Variants in TDRD3 observed in about 807,000 individuals in gnomAD.
TDRD3 encodes the protein tudor domain-containing protein 3.
In TDRD3, 45 loss-of-function variants were observed where a neutral mutation model predicts 86.7. The ratio of observed to expected loss-of-function variants is 0.52; its 90% CI spans 0.41 to 0.67. The LOEUF (loss-of-function observed/expected upper bound fraction) is 0.67. Ranked by LOEUF, TDRD3 falls within the 30% of genes least tolerant of loss-of-function variation. TDRD3 has a pLI of 0.00. For synonymous variants in TDRD3, 298 were observed against 301.7 expected (o/e 0.99, Z 0.13); for missense variants, 814 against 889.0 (o/e 0.92, Z 1.07).
chr13:60,532,197 C>T lies in TDRD3; in HGVS notation c.1993-2911C>T, dbSNP rs150629719. On this transcript the variant is annotated intron_variant, in intron 11 of 13. Transcript: ENST00000377881. Reference sequence around the variant, plus strand: ...ATATGTTCAAAATGTCATGTAGCATCTAAAAAACAGTACCTAACAATTCAG... The same window carrying T: ...ATATGTTCAAAATGTCATGTAGCATTTAAAAAACAGTACCTAACAATTCAG... 5.0e-3 allele frequency among the ~76,000 whole-genome samples: 757 copies of T among 152,280 alleles called. 3 individuals are homozygous for T. Among genetic ancestry groups the T allele is most frequent in the Middle Eastern group, 0.024 (7 of 294 alleles).
intron 1 of TDRD3, among the ~76,000 whole-genome samples, chr13:60,404,965 T>A (rs543419991): frequency 1.3e-5 from 2 of 152,134 alleles, no homozygotes; most frequent in African/African-American, 4.8e-5. Context: ...AAATGGGAGG[T>A]GCCCTGCACA....
intron 12 of TDRD3, among the ~76,000 whole-genome samples, chr13:60,553,697 C>G (rs1958119392): frequency 6.6e-6 from 1 of 152,062 alleles, no homozygotes; most frequent in African/African-American, 2.4e-5. Context: ...AGGGGAACTG[C>G]TAAAACCATC....
intron 1 of TDRD3, among the ~76,000 whole-genome samples, chr13:60,432,636 C>T (rs1461366223): frequency 1.3e-5 from 2 of 152,094 alleles, no homozygotes; most frequent in African/African-American, 4.8e-5. Context: ...GAGAGATCTT[C>T]GTATGGGTAA....
intron 12 of TDRD3, among the ~76,000 whole-genome samples, chr13:60,543,339 G>A (rs553160050): frequency 6.6e-6 from 1 of 151,920 alleles, no homozygotes; most frequent in African/African-American, 2.4e-5. Context: ...TCCACTTCAT[G>A]GTTAAACAAA....
At chr13:60,500,643 C>A (rs995635729) in intron 8 of TDRD3, among the ~76,000 whole-genome samples, 1 of 152,080 alleles carries the variant, frequency 6.6e-6, no homozygotes, top group Non-Finnish European at 1.5e-5. Flanking sequence ...GGAGAAATGG[C>A]GAAATGTGCG....
At chr13:60,546,179 G>T (rs757623366) in intron 12 of TDRD3, among the ~76,000 whole-genome samples, 5 of 152,082 alleles carry the variant, frequency 3.3e-5, no homozygotes, top group Non-Finnish European at 5.9e-5. Flanking sequence ...GGCCATACTG[G>T]TGGTGGTTCT....
Position 60,467,175 on chromosome 13 carries a change from C to A in TDRD3, c.354-63C>A, listed in dbSNP as rs138146698. The A allele has an allele frequency of 1.2e-3, 1,921 of 1,587,856 alleles. 22 individuals are homozygous for A. In the East Asian group the frequency reaches 0.018, roughly 15 times the overall value. ...TGACAGGCCCCGGTCTGTGTTGTTT[C>A]CCGCCCTGTGTCCATGTGTTCTCAG... On this transcript the variant is annotated intron_variant, in intron 4 of 13. Transcript: ENST00000377881.
At chr13:60,432,766 A>G (rs7333682) in intron 1 of TDRD3, among the ~76,000 whole-genome samples, 14,483 of 152,114 alleles carry the variant, frequency 0.095, 813 homozygotes, top group African/African-American at 0.15. Flanking sequence ...ATTATCTTTT[A>G]TGTTTTTTCC....
At chr13:60,450,771 A>T (rs1052535749) in intron 3 of TDRD3, among the ~76,000 whole-genome samples, 23 of 152,184 alleles carry the variant, frequency 1.5e-4, no homozygotes, top group African/African-American at 5.5e-4. Context: ...ATGTAGTGAA[A>T]CAAATGCTAT....
chr13:60,572,490 T>C (rs1228319713), intron 13 of TDRD3, among the ~76,000 whole-genome samples: 3 of 152,080 alleles, frequency 2.0e-5, no homozygotes, highest in Non-Finnish European at 4.4e-5. Context: ...CATTCAAACA[T>C]TGGTTAGAGT....
At position 60,528,622 on chromosome 13, in the gene TDRD3, A is replaced by G; in HGVS notation, c.1397A>G (p.Asp466Gly). Residue 466 changes from aspartate (D) to glycine (G), a missense_variant, in exon 11 of 14, where the codon GAC (aspartate) becomes GGC (glycine). Physicochemically the swap from Asp to Gly is moderately conservative, Grantham distance 94 (BLOSUM62 -1). Coordinates refer to ENST00000377881, the MANE Select transcript of TDRD3 (RefSeq NM_001146070.2). ...TCAGTATCTGAAGTATGGGCTGAAGACAGAATCAAATGTGATAGACCGTAT... is the reference window on the plus strand; with the variant it reads ...TCAGTATCTGAAGTATGGGCTGAAGGCAGAATCAAATGTGATAGACCGTAT... ...TSSVSEVWAE[D>G]RIKCDRPYSR... 1.2e-6 allele frequency: 2 copies of G among 1,614,024 alleles called. No individual in the cohort carries two copies. Among genetic ancestry groups the G allele is most frequent in the Admixed American group, 1.7e-5 (1 of 60,018 alleles).
chr13:60,502,462 A>G (rs1418440738), intron 8 of TDRD3, among the ~76,000 whole-genome samples: 1 of 152,176 alleles, frequency 6.6e-6, no homozygotes, highest in Non-Finnish European at 1.5e-5. Flanking sequence ...TTTTTGTAGA[A>G]TAAACTTTAG....
chr13:60,446,746 G>T (rs1430906746), intron 3 of TDRD3, among the ~76,000 whole-genome samples: 2 of 151,892 alleles, frequency 1.3e-5, no homozygotes, highest in East Asian at 3.9e-4. Flanking sequence ...CATATTCAAG[G>T]AATATATTTT....
At chr13:60,517,777 A>C (rs940962317) in intron 10 of TDRD3, among the ~76,000 whole-genome samples, 14 of 152,224 alleles carry the variant, frequency 9.2e-5, no homozygotes, top group Admixed American at 8.5e-4. Flanking sequence ...GTTACCTTTA[A>C]TAGTTAATAG....
intron 8 of TDRD3, among the ~76,000 whole-genome samples, chr13:60,502,716 C>G (rs1956859352): frequency 6.6e-6 from 1 of 152,090 alleles, no homozygotes; most frequent in African/African-American, 2.4e-5. Flanking sequence ...TCTTTACTGA[C>G]CACAGGTCAG....
chr13:60,550,285 A>G (rs946236100), intron 12 of TDRD3, among the ~76,000 whole-genome samples: 2 of 152,142 alleles, frequency 1.3e-5, no homozygotes, highest in Admixed American at 6.5e-5. Context: ...GAACTTGCCA[A>G]TAAAGTATAC....
intron 1 of TDRD3, among the ~76,000 whole-genome samples, chr13:60,433,240 TA>T (rs1384846050): frequency 6.6e-6 from 1 of 152,216 alleles, no homozygotes; most frequent in African/African-American, 2.4e-5. Context: ...TAAAAGAGAA[TA>T]AAACTTTAAT....
chr13:60,549,759 T>C (rs1958007136), intron 12 of TDRD3, among the ~76,000 whole-genome samples: 1 of 152,126 alleles, frequency 6.6e-6, no homozygotes, highest in Non-Finnish European at 1.5e-5. Context: ...TTGACTTATC[T>C]GTCTATTATT....
chr13:60,524,090 G>A (rs1957351051), intron 10 of TDRD3, among the ~76,000 whole-genome samples: 1 of 151,954 alleles, frequency 6.6e-6, no homozygotes, highest in African/African-American at 2.4e-5. Flanking sequence ...GCTGTCCATT[G>A]GTATCTAATG....
Sources: allele counts gnomAD v4.1 joint callset (sites outside exome capture counted in the v4.1 genomes callset), GRCh38; gene constraint gnomAD v4.1.1; transcripts MANE v1.5; gene names NCBI Gene and HGNC (gene_info 2026-07-23, HGNC 2026-07-21).